The following SGCZ variants were observed in gnomAD, a reference collection of about 807,000 sequenced individuals.
SGCZ encodes the protein sarcoglycan zeta, also known as zeta-sarcoglycan.
SGCZ carries 40 observed loss-of-function variants against 41.3 expected under a neutral mutation model. The observed-to-expected ratio is 0.97, with a 90% CI of 0.75 to 1.26. SGCZ has a LOEUF of 1.26. Ranked by LOEUF, SGCZ falls within the 50% of genes most tolerant of loss-of-function variation. The probability of loss-of-function intolerance (pLI) is 0.00; values close to 1 mark genes in which losing one functional copy is unlikely to be tolerated. For synonymous variants in SGCZ, 206 were observed against 137.5 expected, an observed-to-expected ratio of 1.50 and a Z score of -3.49; for missense variants, 552 against 369.8, an observed-to-expected ratio of 1.49 and a Z score of -4.04.
chr8:14,761,785 A>G (rs1007170947), intron 1 of SGCZ, among the ~76,000 whole-genome samples: 1 of 152,046 alleles, frequency 6.6e-6, no homozygotes, highest in African/African-American at 2.4e-5. Context: ...TCGGCCTCCA[A>G]AACTGCTGGG....
intron 2 of SGCZ, among the ~76,000 whole-genome samples, chr8:14,531,828 A>T (rs1803142623): frequency 6.6e-6 from 1 of 152,098 alleles, no homozygotes; most frequent in Non-Finnish European, 1.5e-5. Flanking sequence ...TGAATAATGT[A>T]ATTAATGTTA....
intron 1 of SGCZ, among the ~76,000 whole-genome samples, chr8:14,960,064 C>T (rs1273162830): frequency 6.6e-6 from 1 of 152,056 alleles, no homozygotes. Flanking sequence ...AGAGGTTGCA[C>T]AGATTATAAA....
At chr8:14,686,831 A>C (rs1035095868) in intron 1 of SGCZ, among the ~76,000 whole-genome samples, 5 of 152,120 alleles carry the variant, frequency 3.3e-5, no homozygotes, top group Non-Finnish European at 5.9e-5. Flanking sequence ...AAGATCAGCT[A>C]AAGAGAGTAA....
intron 4 of SGCZ, among the ~76,000 whole-genome samples, chr8:14,232,823 G>C (rs1466311348): frequency 6.6e-6 from 1 of 151,926 alleles, no homozygotes; most frequent in Non-Finnish European, 1.5e-5. Flanking sequence ...CATTAAACAA[G>C]GATACCTATG....
chr8:14,182,539 T>C (rs1804762600), intron 4 of SGCZ, among the ~76,000 whole-genome samples: 1 of 152,174 alleles, frequency 6.6e-6, no homozygotes, highest in Non-Finnish European at 1.5e-5. Flanking sequence ...CATTCTTTGG[T>C]CTCTGCTCCT....
intron 2 of SGCZ, among the ~76,000 whole-genome samples, chr8:14,337,628 T>C (rs142842520): frequency 0.011 from 1,693 of 152,072 alleles, 27 homozygotes; most frequent in African/African-American, 0.038. Context: ...CTCAGGAAAG[T>C]AGATATAGTG....
intron 2 of SGCZ, among the ~76,000 whole-genome samples, chr8:14,404,936 C>CGGG (rs1450375574): frequency 1.3e-5 from 2 of 152,170 alleles, no homozygotes; most frequent in Non-Finnish European, 1.5e-5. Context: ...GTGGCTATTG[C>CGGG]CGGCAGTGGC....
intron 2 of SGCZ, among the ~76,000 whole-genome samples, chr8:14,372,729 C>G (rs1477110571): frequency 6.6e-6 from 1 of 152,042 alleles, no homozygotes; most frequent in Admixed American, 6.6e-5. Context: ...TGCGAAGACT[C>G]AGATACAGCA....
intron 1 of SGCZ, among the ~76,000 whole-genome samples, chr8:15,132,453 G>A (rs1457336493): frequency 6.6e-6 from 1 of 152,112 alleles, no homozygotes; most frequent in Admixed American, 6.6e-5. Flanking sequence ...GATACAATAG[G>A]CAAGGCATGA....
At chr8:14,788,950 A>C (rs1800861763) in intron 1 of SGCZ, among the ~76,000 whole-genome samples, 1 of 152,142 alleles carries the variant, frequency 6.6e-6, no homozygotes, top group South Asian at 2.1e-4. Context: ...GTCTCTATAA[A>C]AAACTAAATA....
intron 1 of SGCZ, among the ~76,000 whole-genome samples, chr8:15,019,936 A>G (rs1449422780): frequency 6.6e-6 from 1 of 151,222 alleles, no homozygotes; most frequent in East Asian, 1.9e-4. Flanking sequence ...ATTAGGTAGA[A>G]CTGGAGACTT....
At chr8:14,346,783 G>T (rs962842060) in intron 2 of SGCZ, among the ~76,000 whole-genome samples, 1 of 151,876 alleles carries the variant, frequency 6.6e-6, no homozygotes, top group Non-Finnish European at 1.5e-5. Flanking sequence ...AGAAACAATT[G>T]CATTTTATCC....
At chr8:14,652,324 C>G (rs866868612) in intron 1 of SGCZ, among the ~76,000 whole-genome samples, 35 of 51,760 alleles carry the variant, frequency 6.8e-4, no homozygotes, top group Middle Eastern at 0.02. Context: ...CTGGGTGACA[C>G]AGCAAGACTC....
At chr8:14,327,101 T>C (rs1337251675) in intron 2 of SGCZ, among the ~76,000 whole-genome samples, 1 of 152,172 alleles carries the variant, frequency 6.6e-6, no homozygotes, top group East Asian at 1.9e-4. Context: ...AGTCAAAGAA[T>C]GGCAAATGGT....
intron 1 of SGCZ, among the ~76,000 whole-genome samples, chr8:15,127,867 A>C (rs1807762695): frequency 6.6e-6 from 1 of 152,214 alleles, no homozygotes; most frequent in African/African-American, 2.4e-5. Context: ...TTTGACATGT[A>C]ATTTTTCAAG....
At chr8:15,024,278 T>C (rs991536108) in intron 1 of SGCZ, among the ~76,000 whole-genome samples, 5 of 152,188 alleles carry the variant, frequency 3.3e-5, no homozygotes, top group African/African-American at 9.7e-5. Flanking sequence ...CAAATTTATA[T>C]AAAATCGACA....
chr8:15,215,864 A>T (rs958098712), intron 1 of SGCZ, among the ~76,000 whole-genome samples: 5 of 152,218 alleles, frequency 3.3e-5, no homozygotes, highest in Non-Finnish European at 7.4e-5. Flanking sequence ...AAACAAAGAT[A>T]TAATGTGATG....
At chr8:14,419,049 T>A (rs924468031) in intron 2 of SGCZ, among the ~76,000 whole-genome samples, 1 of 151,942 alleles carries the variant, frequency 6.6e-6, no homozygotes, top group Non-Finnish European at 1.5e-5. Context: ...ACACTTTTAA[T>A]TTCAACCACA....
At chr8:14,235,290 A>G (rs867254725) in intron 4 of SGCZ, among the ~76,000 whole-genome samples, 57 of 152,208 alleles carry the variant, frequency 3.7e-4, no homozygotes, top group African/African-American at 1.3e-3. Flanking sequence ...GCAAAAATAC[A>G]TAAGTCATCA....
Sources: gnomAD v4.1 joint callset for allele counts (sites outside exome capture counted in the v4.1 genomes callset) on GRCh38, gnomAD v4.1.1 for gene constraint, MANE v1.5 for transcripts, NCBI Gene and HGNC (gene_info 2026-07-23, HGNC 2026-07-21) for gene names.